ROBO1: variants seen among roughly 807,000 people sequenced by gnomAD.
ROBO1 encodes roundabout guidance receptor 1.
A neutral mutation model predicts 195.9 loss-of-function variants in ROBO1; 149 were observed. The observed-to-expected ratio is 0.76, with a 90% CI of 0.67 to 0.87. The LOEUF is 0.87. ROBO1 is among the 40% of genes least tolerant of loss of function. The pLI is 0.00. For synonymous variants in ROBO1, 816 were observed against 733.2 expected, an observed-to-expected ratio of 1.11 and a Z score of -1.82; for missense variants, 1,933 against 2,068.3, an observed-to-expected ratio of 0.93 and a Z score of 1.27.
intron 2 of ROBO1, among the ~76,000 whole-genome samples, chr3:79,500,119 C>CTTTTTTT (rs57887981): frequency 5.5e-5 from 4 of 72,476 alleles, no homozygotes; most frequent in Non-Finnish European, 7.4e-5. Flanking sequence ...TAAGTTTTCT[C>CTTTTTTT]TTTTTTTTTT....
chr3:79,115,640 T>G (rs377470771), intron 3 of ROBO1, among the ~76,000 whole-genome samples: 1 of 152,130 alleles, frequency 6.6e-6, no homozygotes, highest in African/African-American at 2.4e-5. Context: ...TAAAGCAATG[T>G]TGAGCCATCA....
At chr3:79,242,910 C>T (rs948692419) in intron 2 of ROBO1, among the ~76,000 whole-genome samples, 3 of 151,818 alleles carry the variant, frequency 2.0e-5, no homozygotes, top group Non-Finnish European at 2.9e-5. Context: ...TATACATGTG[C>T]CATGTTGGTG....
At chr3:78,765,344 GAAATGATTATTTTAAATATTTTTTAAAA>G (rs1261365977) in intron 4 of ROBO1, among the ~76,000 whole-genome samples, 3 of 151,664 alleles carry the variant, frequency 2.0e-5, no homozygotes, top group Non-Finnish European at 4.4e-5. Flanking sequence ...ATAAAAGGAT[GAAATGATTATTTTAAATATTTTTTAAAA>G]AAATATAGAA....
intron 4 of ROBO1, among the ~76,000 whole-genome samples, chr3:78,906,087 C>T (rs942271757): frequency 6.6e-6 from 1 of 152,062 alleles, no homozygotes; most frequent in East Asian, 1.9e-4. Flanking sequence ...ATATATATTG[C>T]TATTGCTAAC....
chr3:79,378,154 ACTCTCT>A (rs3057946), intron 2 of ROBO1, among the ~76,000 whole-genome samples: 3 of 146,754 alleles, frequency 2.0e-5, no homozygotes, highest in South Asian at 2.2e-4. Flanking sequence ...TCTTATGGTC[ACTCTCT>A]CTCTCTCTCT....
At chr3:79,024,502 A>G (rs942528792) in intron 3 of ROBO1, among the ~76,000 whole-genome samples, 1 of 152,214 alleles carries the variant, frequency 6.6e-6, no homozygotes, top group Non-Finnish European at 1.5e-5. Flanking sequence ...TGAGAGGCTC[A>G]GTAGCCAGGG....
chr3:78,672,032 C>A (rs546641295), intron 10 of ROBO1, among the ~76,000 whole-genome samples: 2,174 of 152,230 alleles, frequency 0.014, 36 homozygotes, highest in African/African-American at 0.05. Context: ...TAGCATCTGC[C>A]ATATGTCTTT....
At chr3:78,780,127 G>C (rs2083630652) in intron 4 of ROBO1, among the ~76,000 whole-genome samples, 1 of 151,994 alleles carries the variant, frequency 6.6e-6, no homozygotes. Flanking sequence ...CTTAGAAGAG[G>C]GATAGCATTA....
At chr3:79,279,347 T>A (rs1225436421) in intron 2 of ROBO1, among the ~76,000 whole-genome samples, 1 of 152,096 alleles carries the variant, frequency 6.6e-6, no homozygotes, top group East Asian at 1.9e-4. Flanking sequence ...AAATATTTCT[T>A]GATAGAAGGC....
At chr3:78,887,943 C>CA (rs953769638) in intron 4 of ROBO1, among the ~76,000 whole-genome samples, 34 of 149,754 alleles carry the variant, frequency 2.3e-4, no homozygotes, top group Admixed American at 4.0e-4. Context: ...AACACACCCT[C>CA]AAAAAAAAAG....
chr3:79,763,218 A>G (rs1704805705), intron 1 of ROBO1, among the ~76,000 whole-genome samples: 1 of 151,922 alleles, frequency 6.6e-6, no homozygotes, highest in African/African-American at 2.4e-5. Flanking sequence ...CCGGAAATGT[A>G]TCACAACATC....
At chr3:79,469,683 A>G (rs931890621) in intron 2 of ROBO1, among the ~76,000 whole-genome samples, 1 of 152,216 alleles carries the variant, frequency 6.6e-6, no homozygotes, top group African/African-American at 2.4e-5. Flanking sequence ...GGAGGAAATG[A>G]CTGAAATAAC....
At chr3:79,528,902 G>C (rs1210829610) in intron 2 of ROBO1, among the ~76,000 whole-genome samples, 1 of 152,132 alleles carries the variant, frequency 6.6e-6, no homozygotes, top group Non-Finnish European at 1.5e-5. Context: ...CGTGTTTAAA[G>C]ACAATATATG....
At chr3:79,086,692 T>C (rs1262911338) in intron 3 of ROBO1, among the ~76,000 whole-genome samples, 1 of 152,150 alleles carries the variant, frequency 6.6e-6, no homozygotes, top group African/African-American at 2.4e-5. Flanking sequence ...TGCAGACACC[T>C]CAATTCTATA....
intron 1 of ROBO1, among the ~76,000 whole-genome samples, chr3:79,720,600 T>C (rs184480797): frequency 3.9e-5 from 6 of 152,268 alleles, no homozygotes; most frequent in Admixed American, 1.3e-4. Context: ...TTGCATTAAG[T>C]AACAAGACAA....
intron 4 of ROBO1, among the ~76,000 whole-genome samples, chr3:78,811,524 A>G (rs2084739308): frequency 6.6e-6 from 1 of 152,144 alleles, no homozygotes; most frequent in Non-Finnish European, 1.5e-5. Context: ...GGAAACAGCT[A>G]AATCCTACAA....
intron 4 of ROBO1, among the ~76,000 whole-genome samples, chr3:78,825,603 A>G (rs1354115652): frequency 2.6e-5 from 4 of 152,188 alleles, no homozygotes; most frequent in Non-Finnish European, 4.4e-5. Flanking sequence ...TCCTATCATT[A>G]TGAAGAGAAA....
At chr3:78,642,143 G>T (rs893212433) in intron 21 of ROBO1, among the ~76,000 whole-genome samples, 1 of 151,990 alleles carries the variant, frequency 6.6e-6, no homozygotes, top group Non-Finnish European at 1.5e-5. Flanking sequence ...TGGTTATAGG[G>T]ATTAACATGT....
chr3:78,928,878 A>G (rs1040841644), intron 4 of ROBO1, among the ~76,000 whole-genome samples: 3 of 152,190 alleles, frequency 2.0e-5, no homozygotes, highest in African/African-American at 7.2e-5. Flanking sequence ...TGAAAATCTG[A>G]TAAAAGAGTA....
Sources: gnomAD v4.1 joint callset for allele counts (sites outside exome capture counted in the v4.1 genomes callset) on GRCh38, gnomAD v4.1.1 for gene constraint, MANE v1.5 for transcripts, NCBI Gene and HGNC (gene_info 2026-07-23, HGNC 2026-07-21) for gene names.